Variants in WDFY3 observed in about 807,000 individuals in gnomAD.
The protein encoded by WDFY3 is WD repeat and FYVE domain containing 3, also known as WD repeat and FYVE domain-containing protein 3.
In WDFY3, 66 loss-of-function variants were observed where a neutral mutation model predicts 409.6. The ratio of observed to expected loss-of-function variants is 0.16; its 90% CI spans 0.13 to 0.20. The LOEUF (loss-of-function observed/expected upper bound fraction) is 0.20. Ranked by LOEUF, WDFY3 falls within the 10% of genes least tolerant of loss-of-function variation. The pLI is 1.00. For synonymous variants in WDFY3, 1,521 were observed against 1,537.1 expected (o/e 0.99, Z 0.25); for missense variants, 3,031 against 4,298.1 (o/e 0.71, Z 8.24).
chr4:84,869,481 A>G (rs952204634), intron 3 of WDFY3, among the ~76,000 whole-genome samples: 2 of 152,328 alleles, frequency 1.3e-5, no homozygotes, highest in Middle Eastern at 3.4e-3. Context: ...AGAAAACTCT[A>G]TAATTCTGCA....
chr4:84,869,055 G>C (rs188765086), intron 3 of WDFY3, among the ~76,000 whole-genome samples: 1 of 152,190 alleles, frequency 6.6e-6, no homozygotes, highest in Non-Finnish European at 1.5e-5. Context: ...CTAACCTGTA[G>C]TTCAGGTCAT....
At chr4:84,920,376 A>G (rs1236501467) in intron 2 of WDFY3, among the ~76,000 whole-genome samples, 1 of 152,218 alleles carries the variant, frequency 6.6e-6, no homozygotes, top group Non-Finnish European at 1.5e-5. Context: ...CTACACAAAA[A>G]CATTTAGGAC....
chr4:84,713,028 A>T, intron 51 of WDFY3, 131 bp downstream of exon 51: 1 of 859,172 alleles, frequency 1.2e-6, no homozygotes, highest in Non-Finnish European at 1.9e-6. Context: ...TTTAGTTTTC[A>T]GTATTTTTTT....
intron 56 of WDFY3, among the ~76,000 whole-genome samples, chr4:84,698,600 C>T (rs1285649248): frequency 6.6e-6 from 1 of 152,140 alleles, no homozygotes; most frequent in Non-Finnish European, 1.5e-5. Flanking sequence ...AGCTCTCCTC[C>T]ATGTGTATCC....
At chr4:84,905,717 TC>T (rs997762700) in intron 2 of WDFY3, among the ~76,000 whole-genome samples, 3 of 152,186 alleles carry the variant, frequency 2.0e-5, no homozygotes, top group African/African-American at 7.2e-5. Flanking sequence ...AAAGCCATAC[TC>T]CTTACCATGG....
At position 84,878,837 on chromosome 4, in the gene WDFY3, T is replaced by C. The variant is rs146937106; in HGVS notation, c.-32+18074A>G. Among the ~76,000 whole-genome samples the C allele has an allele frequency of 3.1e-3, 473 of 152,316 alleles. 2 individuals are homozygous for C. The highest frequency in any genetic ancestry group is 0.01 in the African/African-American group (417 of 41,584). On this transcript the variant is annotated intron_variant, in intron 3 of 67. Transcript: ENST00000295888. ...CTAAATGTCAAATCCATTTAAAAGA[T>C]TGAAAATTCACCACTAATAACCAAA...
chr4:84,957,867 AT>A (rs1413947347), intron 1 of WDFY3, among the ~76,000 whole-genome samples: 1 of 152,224 alleles, frequency 6.6e-6, no homozygotes, highest in Non-Finnish European at 1.5e-5. Context: ...TGTTACAGTT[AT>A]TAAAGATTTG....
At chr4:84,926,885 T>C (rs962843832) in intron 2 of WDFY3, among the ~76,000 whole-genome samples, 2 of 152,182 alleles carry the variant, frequency 1.3e-5, no homozygotes, top group African/African-American at 2.4e-5. Flanking sequence ...TGTTCAAAGA[T>C]AAGAATGCCT....
At chr4:84,825,776 T>A (rs1754778497) in intron 10 of WDFY3, among the ~76,000 whole-genome samples, 1 of 152,124 alleles carries the variant, frequency 6.6e-6, no homozygotes, top group Non-Finnish European at 1.5e-5. Flanking sequence ...TAACCAGACA[T>A]GTTTGTATTT....
chr4:84,688,001 T>C, intron 62 of WDFY3, 85 bp downstream of exon 62: 1 of 1,420,640 alleles, frequency 7.0e-7, no homozygotes, highest in Non-Finnish European at 9.7e-7. Flanking sequence ...AACTCAGACA[T>C]GTTCCCCTGA....
At chr4:84,944,655 C>T (rs1487606220) in intron 1 of WDFY3, among the ~76,000 whole-genome samples, 1 of 150,950 alleles carries the variant, frequency 6.6e-6, no homozygotes, top group Non-Finnish European at 1.5e-5. Context: ...GAAACAACGT[C>T]TCTACTAAAA....
chr4:84,717,904 C>G (rs1047510538), intron 48 of WDFY3, among the ~76,000 whole-genome samples: 1 of 151,578 alleles, frequency 6.6e-6, no homozygotes, highest in Non-Finnish European at 1.5e-5. Context: ...AAAAATTAGC[C>G]TGGCGTGGTG....
At chr4:84,957,804 T>A (rs1344045483) in intron 1 of WDFY3, among the ~76,000 whole-genome samples, 1 of 152,190 alleles carries the variant, frequency 6.6e-6, no homozygotes, top group Admixed American at 6.5e-5. Context: ...CTTTTCACAT[T>A]CTGCAGGACT....
At chr4:84,809,294 C>T (rs1752077619) in intron 14 of WDFY3, 1 of 152,216 alleles carries the variant, frequency 6.6e-6, no homozygotes, top group Non-Finnish European at 1.5e-5. Flanking sequence ...TAGCAAGGAC[C>T]AAGACAGCCC....
intron 4 of WDFY3, among the ~76,000 whole-genome samples, chr4:84,854,674 T>C (rs1165031939): frequency 6.6e-6 from 1 of 151,972 alleles, no homozygotes; most frequent in Non-Finnish European, 1.5e-5. Context: ...CTTTGGGAGG[T>C]TGAGGTGGGT....
chr4:84,784,858 GTATATATATATA>G lies in WDFY3; in HGVS notation c.4062+1109_4062+1120del, dbSNP rs71670882. Among the ~76,000 whole-genome samples the G allele has an allele frequency of 4.8e-3, 424 of 89,000 alleles. 4 individuals carry two copies. Among genetic ancestry groups the G allele is most frequent in the African/African-American group, 0.019 (385 of 20,058 alleles). The allele number at this position is 89,000 out of a possible 152,430, so 58.4% of individuals were successfully genotyped here. ...CATCTCAAAAAAAAAAAGTGTATAT[GTATATATATATA>G]TATATATATATATATATATATACAC... On this transcript the variant is annotated intron_variant, in intron 24 of 67. Transcript: ENST00000295888.
chr4:84,822,631 G>A (rs1345310718), intron 10 of WDFY3, among the ~76,000 whole-genome samples: 1 of 151,692 alleles, frequency 6.6e-6, no homozygotes. Flanking sequence ...AGGATTGCTT[G>A]AGCCCAGGAG....
chr4:84,755,475 T>G, intron 33 of WDFY3, 75 bp from the exon 34 acceptor site: 1 of 1,508,570 alleles, frequency 6.6e-7, no homozygotes, highest in African/African-American at 1.4e-5. Context: ...TCTAATAGGC[T>G]AAAATTTCTT....
intron 21 of WDFY3, among the ~76,000 whole-genome samples, chr4:84,790,998 G>A (rs1308995227): frequency 6.6e-6 from 1 of 151,968 alleles, no homozygotes; most frequent in Non-Finnish European, 1.5e-5. Flanking sequence ...GAACCCTTGC[G>A]CACTGTTGGT....
Sources: gnomAD v4.1 joint callset for allele counts (sites outside exome capture counted in the v4.1 genomes callset) on GRCh38, gnomAD v4.1.1 for gene constraint, MANE v1.5 for transcripts, NCBI Gene and HGNC (gene_info 2026-07-23, HGNC 2026-07-21) for gene names.